Variants in MYOM3 observed in about 807,000 individuals in gnomAD.
MYOM3 encodes myomesin-3.
MYOM3 carries 155 observed loss-of-function variants against 191.7 expected under a neutral mutation model. The ratio of observed to expected loss-of-function variants is 0.81; its 90% CI spans 0.71 to 0.92. The LOEUF (loss-of-function observed/expected upper bound fraction) is 0.92. Among genes scored for constraint, MYOM3 ranks in the 40% least tolerant of loss-of-function variants. The probability of loss-of-function intolerance (pLI) is 0.00; values close to 1 mark genes in which losing one functional copy is unlikely to be tolerated. For missense variants in MYOM3, 1,889 were observed against 1,890.6 expected, an observed-to-expected ratio of 1.00 and a Z score of 0.02; for synonymous variants, 757 against 762.9, an observed-to-expected ratio of 0.99 and a Z score of 0.13.
chr1:24,093,985 C>G (rs1643865337), intron 9 of MYOM3, among the ~76,000 whole-genome samples: 1 of 152,078 alleles, frequency 6.6e-6, no homozygotes, highest in South Asian at 2.1e-4. Flanking sequence ...CCAGGCTTCT[C>G]AAGGCCTCGC....
chr1:24,097,039 C>T (rs1345349440), intron 7 of MYOM3, among the ~76,000 whole-genome samples: 1 of 152,236 alleles, frequency 6.6e-6, no homozygotes, highest in Non-Finnish European at 1.5e-5. Flanking sequence ...AGGATGTGAA[C>T]TCAGGTCTGG....
chr1:24,058,854 G>T, intron 36 of MYOM3, 70 bp downstream of exon 36: 1 of 1,145,796 alleles, frequency 8.7e-7, no homozygotes, highest in Non-Finnish European at 1.3e-6. Flanking sequence ...GCATTGTTTC[G>T]TGATCTGTGG....
chr1:24,092,542 G>A (rs934325776), intron 10 of MYOM3, among the ~76,000 whole-genome samples: 1 of 152,110 alleles, frequency 6.6e-6, no homozygotes, highest in Non-Finnish European at 1.5e-5. Context: ...ACCTGAACAA[G>A]TGGAATAATT....
At chr1:24,098,324 C>T (rs1223561290) in intron 6 of MYOM3, among the ~76,000 whole-genome samples, 2 of 152,202 alleles carry the variant, frequency 1.3e-5, no homozygotes, top group Non-Finnish European at 1.5e-5. Flanking sequence ...GTGACTTTCC[C>T]AGAGTCACAG....
Position 24,094,965 on chromosome 1 carries a change from T to C in MYOM3, c.816A>G (p.Glu272=). The C allele has an allele frequency of 6.2e-7, 1 of 1,613,550 alleles. No individual in the cohort carries two copies. Among genetic ancestry groups the C allele is most frequent in the Non-Finnish European group, 8.5e-7 (1 of 1,179,850 alleles). The change falls in exon 9 of 37, where the codon GAA becomes GAG. Residue 272 remains glutamate, a synonymous_variant. Coordinates refer to ENST00000374434, the MANE Select transcript of MYOM3 (RefSeq NM_152372.4). ...FKRSTFGPSV[E]FTSVLKPVFA... ...AGACTGGCTTCAGCACCGAGGTGAA[T>C]TCCACGCTGGGGCCAAACGTCGATC...
At chr1:24,090,005 C>T in intron 13 of MYOM3, 60 bp downstream of exon 13, 1 of 1,541,118 alleles carries the variant, frequency 6.5e-7, no homozygotes, top group East Asian at 2.2e-5. Context: ...TTTGCCAGCT[C>T]ATGTCCCAGA....
intron 27 of MYOM3, among the ~76,000 whole-genome samples, chr1:24,067,311 T>C (rs1570855076): frequency 8.4e-6 from 1 of 119,584 alleles, no homozygotes; most frequent in Non-Finnish European, 1.7e-5. Flanking sequence ...TTTCCTTCTT[T>C]CTTTCTTTCT....
At position 24,074,163 on chromosome 1, in the gene MYOM3, C is replaced by T; in HGVS notation, c.2965G>A (p.Glu989Lys). The T allele has an allele frequency of 1.9e-6, 3 of 1,612,756 alleles. No homozygotes were observed. Among genetic ancestry groups the T allele is most frequent in the Admixed American group, 1.7e-5 (1 of 59,968 alleles). The change falls in exon 23 of 37, where the codon GAA becomes AAA. Residue 989 changes from glutamate to lysine, a missense_variant. Transcript: ENST00000374434. ...DISASHTLTEEELEKLKKLSH... is the reference protein window; with the variant it reads ...DISASHTLTEKELEKLKKLSH... ...GGGAGCGGGGTAGGTGCATTACCTT[C>T]CTCGGTTAGCGTGTGGCTTGCGGAG...
At position 24,071,898 on chromosome 1, in the gene MYOM3, G is replaced by T. The variant is rs895664902; in HGVS notation, c.3013+71C>A. ...GTTTCCTGGTCCTTGGCCTGACTCT[G>T]CTCTGCTCAGAACATGCCAATGGGC... On this transcript the variant is annotated intron_variant, in intron 24 of 36. Transcript: ENST00000374434. The T allele has an allele frequency of 5.3e-6, 8 of 1,506,660 alleles. No homozygotes were observed. The East Asian group carries it at 1.6e-4, about 30-fold the overall frequency. The allele number at this position is 1,506,660 out of a possible 1,614,324, so 93.3% of individuals were successfully genotyped here. A position where few individuals can be genotyped will look rare whatever the true frequency, so the allele number is the denominator to read the frequency against.
Position 24,063,585 on chromosome 1 carries a change from C to T in MYOM3, c.3623-55G>A. On this transcript the variant is annotated intron_variant, in intron 30 of 36. Coordinates refer to ENST00000374434, the MANE Select transcript of MYOM3 (RefSeq NM_152372.4). The surrounding 1 kb of genome is among the most constrained non-coding windows in gnomAD (Gnocchi z 4.5). ...GGCATAGGGCTCCCCTAGGGATGTG[C>T]TAGGAGTGGGGACATCCTAGAAAAA... 1 of 1,606,146 alleles carries T rather than the reference C, an allele frequency of 6.2e-7. No individual in the cohort carries two copies. The highest frequency in any genetic ancestry group is 8.5e-7 in the Non-Finnish European group (1 of 1,173,266).
chr1:24,068,155 C>A (rs1643476506), intron 26 of MYOM3, 68 bp downstream of exon 26: 1 of 1,518,488 alleles, frequency 6.6e-7, no homozygotes, highest in Admixed American at 1.8e-5. Context: ...CTCAGGGCTG[C>A]AGGGCAGGCC....
At position 24,086,640 on chromosome 1, in the gene MYOM3, G is replaced by A. The variant is rs750572635; in HGVS notation, c.1798+4C>T. On this transcript the variant is annotated splice_donor_region_variant and intron_variant, in intron 15 of 36. Transcript: ENST00000374434. ...CTCCCCGACCCCCGGCATCAGGAGG[G>A]TACCTGGCGGGCCCCGCAAGGCGAT... The A allele has an allele frequency of 7.0e-5, 113 of 1,612,762 alleles. No homozygotes were observed. Among genetic ancestry groups the A allele is most frequent in the Non-Finnish European group, 9.1e-5 (107 of 1,179,330 alleles).
chr1:24,096,726 G>A (rs1375836505), intron 7 of MYOM3, among the ~76,000 whole-genome samples: 1 of 152,020 alleles, frequency 6.6e-6, no homozygotes, highest in East Asian at 1.9e-4. Flanking sequence ...GTGTGTGTAT[G>A]AGTGCACGTG....
chr1:24,078,137 T>TTGG (rs1643623985), intron 20 of MYOM3, among the ~76,000 whole-genome samples: 1 of 151,348 alleles, frequency 6.6e-6, no homozygotes, highest in Non-Finnish European at 1.5e-5. Context: ...TTTTTTTTTT[T>TTGG]GAGGTGGAAT....
rs1286694298 is a variant in MYOM3 at position 24,087,078 on chromosome 1, GC to G, written c.1615-252del. Among the ~76,000 whole-genome samples the G allele has an allele frequency of 6.6e-6, 1 of 152,024 alleles. No individual in the cohort carries two copies. Among genetic ancestry groups the G allele is most frequent in the African/African-American group, 2.4e-5 (1 of 41,392 alleles). ...TTCCCACACCTGCATTGCACTGGTG[GC>G]CCCCATCCTTCCAGTCCCTCGGGTG... is the stretch of plus-strand genomic sequence containing the variant. On this transcript the variant is annotated intron_variant, in intron 14 of 36. Transcript: ENST00000374434. This position sits in a 1 kb window ranked among gnomAD's most constrained non-coding sequence, Gnocchi z 4.5.
intron 7 of MYOM3, among the ~76,000 whole-genome samples, chr1:24,096,286 CT>C (rs1301279281): frequency 6.6e-6 from 1 of 152,206 alleles, no homozygotes; most frequent in African/African-American, 2.4e-5. Context: ...ACCCAAGTGG[CT>C]ACGGAGATGA....
intron 7 of MYOM3, among the ~76,000 whole-genome samples, chr1:24,097,353 G>A (rs1385997488): frequency 3.3e-5 from 5 of 152,216 alleles, no homozygotes; most frequent in African/African-American, 1.2e-4. Context: ...TGTAGGTTGT[G>A]CTCTGTGCAA....
At chr1:24,061,212 A>C in intron 34 of MYOM3, 61 bp downstream of exon 34, 1 of 1,609,084 alleles carries the variant, frequency 6.2e-7, no homozygotes. Flanking sequence ...TCCTGAGCCT[A>C]GTTTATGCCA....
At chr1:24,059,276 A>G (rs1261391203) in intron 35 of MYOM3, among the ~76,000 whole-genome samples, 1 of 152,174 alleles carries the variant, frequency 6.6e-6, no homozygotes, top group Non-Finnish European at 1.5e-5. Flanking sequence ...CTGGGACTAT[A>G]GGCATGCATC....
Sources: allele counts gnomAD v4.1 joint callset (sites outside exome capture counted in the v4.1 genomes callset), GRCh38; gene constraint gnomAD v4.1.1; non-coding constraint Gnocchi (gnomAD v3.1); transcripts MANE v1.5; gene names NCBI Gene and HGNC (gene_info 2026-07-23, HGNC 2026-07-21).